Variants in TRIO observed in about 807,000 individuals in gnomAD.
TRIO encodes trio Rho guanine nucleotide exchange factor.
A neutral mutation model predicts 351.9 loss-of-function variants in TRIO; 58 were observed. The observed-to-expected ratio is 0.16, with a 90% confidence interval of 0.13 to 0.21. The LOEUF is 0.21. TRIO is among the 10% of genes least tolerant of loss of function. The pLI, the probability that TRIO is intolerant of heterozygous loss-of-function variation, is 1.00. For synonymous variants in TRIO, 1,758 were observed against 1,595.7 expected (o/e 1.10, Z -2.42); for missense variants, 3,201 against 4,027.8 (o/e 0.79, Z 5.56).
intron 11 of TRIO, among the ~76,000 whole-genome samples, chr5:14,346,310 A>C (rs2152326757): frequency 6.6e-6 from 1 of 152,352 alleles, no homozygotes; most frequent in African/African-American, 2.4e-5. Flanking sequence ...CCTCGAGGGG[A>C]GCACTCTCCA....
rs1028001581 is a variant in TRIO at position 14,423,328 on chromosome 5, T to C, written c.5203+3307T>C. On this transcript the variant is annotated intron_variant, in intron 34 of 56. Coordinates refer to ENST00000344204, the MANE Select transcript of TRIO (RefSeq NM_007118.4). ...CCCTTCACTCTCTTCCACTCGAGTG[T>C]GTAGTACGTGGGCTCACTGTTGAAA... Among the ~76,000 whole-genome samples the C allele has an allele frequency of 3.9e-5, 6 of 152,240 alleles. No individual in the cohort carries two copies. The East Asian group carries it at 1.2e-3, about 29-fold the overall frequency.
chr5:14,476,994 T>C (rs765276226), intron 41 of TRIO, 31 bp downstream of exon 41: 1 of 1,580,168 alleles, frequency 6.3e-7, no homozygotes, highest in Non-Finnish European at 8.7e-7. Flanking sequence ...TATATCCTGT[T>C]CTGATGGTGT....
At chr5:14,166,521 T>A (rs1355015812) in intron 1 of TRIO, among the ~76,000 whole-genome samples, 1 of 152,224 alleles carries the variant, frequency 6.6e-6, no homozygotes, top group East Asian at 1.9e-4. Flanking sequence ...GTTGCCCTGG[T>A]GTCATGTGAT....
rs1397461119 is a variant in TRIO at position 14,387,629 on chromosome 5, A to G, written c.3762A>G (p.Lys1254=). 4 of 1,610,980 alleles carry G rather than the reference A, an allele frequency of 2.5e-6. No homozygotes were observed. The highest frequency in any genetic ancestry group is 3.4e-6 in the Non-Finnish European group (4 of 1,177,772). The change falls in exon 22 of 57, where the codon AAA becomes AAG. Residue 1254 remains lysine (K), a synonymous_variant. Coordinates refer to ENST00000344204, the MANE Select transcript of TRIO (RefSeq NM_007118.4). ...TGGGGATTTCTTCAGATTCCAACAA[A>G]TCGGTAAATGGCCTTGTGCAAACTG... The part of the protein sequence containing the change: ...KALGISSDSN[K]SSKSLQLDII...
chr5:14,151,131 A>G (rs1021010202), intron 1 of TRIO, among the ~76,000 whole-genome samples: 5 of 152,200 alleles, frequency 3.3e-5, no homozygotes, highest in Admixed American at 6.5e-5. Context: ...TCGTTCCTAC[A>G]TGAGTAACTA....
At chr5:14,214,387 C>T (rs571230393) in intron 1 of TRIO, among the ~76,000 whole-genome samples, 1 of 152,252 alleles carries the variant, frequency 6.6e-6, no homozygotes, top group African/African-American at 2.4e-5. Flanking sequence ...GTCCAAGACT[C>T]ACAGATGTTT....
Position 14,471,482 on chromosome 5 carries a change from T to C in TRIO, c.5912+16T>C. 1 of 1,613,734 alleles carries C rather than the reference T, an allele frequency of 6.2e-7. No homozygotes were observed. Among genetic ancestry groups the C allele is most frequent in the Admixed American group, 1.7e-5 (1 of 60,018 alleles). ...AGAGAAGACAGTAAGACAGAAATGT[T>C]TTCATTCTTATTGTTCTCTGGGTTC... On this transcript the variant is annotated intron_variant, in intron 38 of 56. Transcript: ENST00000344204.
intron 36 of TRIO, among the ~76,000 whole-genome samples, chr5:14,464,343 G>T (rs540281493): frequency 6.6e-5 from 10 of 152,194 alleles, no homozygotes; most frequent in Non-Finnish European, 1.3e-4. Flanking sequence ...AGAGTGACCT[G>T]CACTGTATCC....
At chr5:14,264,179 AC>A (rs1795515987) in intron 1 of TRIO, among the ~76,000 whole-genome samples, 1 of 151,774 alleles carries the variant, frequency 6.6e-6, no homozygotes, top group Admixed American at 6.6e-5. Context: ...ATTTGTTTAA[AC>A]TTTTTTTTGT....
chr5:14,281,712 G>A (rs1736022036), intron 3 of TRIO, among the ~76,000 whole-genome samples: 1 of 152,118 alleles, frequency 6.6e-6, no homozygotes, highest in Non-Finnish European at 1.5e-5. Context: ...TTCCAGAAAG[G>A]CACATACTGA....
In TRIO at chr5:14,508,444, A is replaced by G; in HGVS notation, c.*22A>G. ...TTGACCTATCCAGAAGTTCTTTCTC[A>G]TTCTCTTTCACCTGCCAATCAGCTG... On this transcript the variant is annotated 3_prime_UTR_variant, in exon 57 of 57. Transcript: ENST00000344204. 1 of 1,560,242 alleles carries G rather than the reference A, an allele frequency of 6.4e-7. No individual in the cohort carries two copies. The highest frequency in any genetic ancestry group is 8.7e-7 in the Non-Finnish European group (1 of 1,153,518).
intron 4 of TRIO, 141 bp downstream of exon 4, chr5:14,287,204 T>A: frequency 1.3e-6 from 1 of 785,530 alleles, no homozygotes; most frequent in Non-Finnish European, 2.0e-6. Flanking sequence ...TACGTAAAAT[T>A]AGTTACTGCA....
chr5:14,207,426 ACACACG>A (rs1233954211), intron 1 of TRIO, among the ~76,000 whole-genome samples: 1 of 99,048 alleles, frequency 1.0e-5, no homozygotes, highest in African/African-American at 4.1e-5. Context: ...ACACACACAC[ACACACG>A]CAGCCAGGTA....
At chr5:14,244,756 G>T (rs1234896996) in intron 1 of TRIO, among the ~76,000 whole-genome samples, 3 of 152,222 alleles carry the variant, frequency 2.0e-5, no homozygotes, top group African/African-American at 7.2e-5. Context: ...ACTCCTTGCC[G>T]TCAGCCTGGA....
intron 21 of TRIO, among the ~76,000 whole-genome samples, chr5:14,382,964 T>C (rs2152356028): frequency 6.6e-6 from 1 of 152,224 alleles, no homozygotes; most frequent in Non-Finnish European, 1.5e-5. Context: ...TCTGTGTGTG[T>C]GTTAGACATG....
intron 1 of TRIO, among the ~76,000 whole-genome samples, chr5:14,195,912 G>A (rs997885858): frequency 6.6e-6 from 1 of 152,070 alleles, no homozygotes; most frequent in African/African-American, 2.4e-5. Flanking sequence ...GAGAGGCGCA[G>A]TTGTGGATTG....
chr5:14,337,647 C>T (rs1741546960), intron 11 of TRIO, among the ~76,000 whole-genome samples: 1 of 152,126 alleles, frequency 6.6e-6, no homozygotes, highest in South Asian at 2.1e-4. Context: ...TGACTTGCCT[C>T]ATTTCAAGGC....
chr5:14,463,438 CAA>C (rs1424283597), intron 36 of TRIO, among the ~76,000 whole-genome samples: 5 of 152,180 alleles, frequency 3.3e-5, no homozygotes, highest in South Asian at 2.1e-4. Context: ...GCATAGTTGT[CAA>C]AGTGTAGGAA....
At chr5:14,383,725 T>G (rs1049450709) in intron 21 of TRIO, among the ~76,000 whole-genome samples, 1 of 152,184 alleles carries the variant, frequency 6.6e-6, no homozygotes, top group African/African-American at 2.4e-5. Context: ...GCAATCTTTT[T>G]CTTTGGTTTC....
Sources: gnomAD v4.1 joint callset for allele counts (sites outside exome capture counted in the v4.1 genomes callset) on GRCh38, gnomAD v4.1.1 for gene constraint, MANE v1.5 for transcripts, NCBI Gene and HGNC (gene_info 2026-07-23, HGNC 2026-07-21) for gene names.